Variants in NEGR1 observed in about 807,000 individuals in gnomAD.
NEGR1 encodes the protein IgLON family member 4.
In NEGR1, 10 loss-of-function variants were observed where a neutral mutation model predicts 40.9. The ratio of observed to expected loss-of-function variants is 0.24; its 90% CI spans 0.15 to 0.42. NEGR1 has a LOEUF of 0.42. NEGR1 is among the 10% of genes least tolerant of loss of function. The pLI is 1.00. For missense variants in NEGR1, 352 were observed against 438.9 expected (o/e 0.80, Z 1.77); for synonymous variants, 185 against 166.8 (o/e 1.11, Z -0.84).
intron 6 of NEGR1, among the ~76,000 whole-genome samples, chr1:71,487,244 T>C (rs767969813): frequency 3.3e-5 from 5 of 151,694 alleles, no homozygotes; most frequent in Non-Finnish European, 7.4e-5. Flanking sequence ...ACTAACACTT[T>C]GTCTAATGTC....
At chr1:71,623,555 A>C (rs897632500) in intron 4 of NEGR1, among the ~76,000 whole-genome samples, 1 of 151,842 alleles carries the variant, frequency 6.6e-6, no homozygotes, top group Non-Finnish European at 1.5e-5. Context: ...TTGAGAGGTA[A>C]TGTTTTTTCT....
chr1:71,499,074 C>T (rs1169800835), intron 6 of NEGR1, among the ~76,000 whole-genome samples: 2 of 152,140 alleles, frequency 1.3e-5, no homozygotes, highest in Non-Finnish European at 2.9e-5. Context: ...TTCATTTTCT[C>T]TCTTTTTAAA....
intron 1 of NEGR1, among the ~76,000 whole-genome samples, chr1:71,991,298 C>A (rs191139059): frequency 6.6e-6 from 1 of 152,200 alleles, no homozygotes; most frequent in Admixed American, 6.5e-5. Flanking sequence ...TAATAGATGT[C>A]ATATTTTTAA....
At chr1:72,257,727 G>C (rs889088263) in intron 1 of NEGR1, among the ~76,000 whole-genome samples, 10 of 152,030 alleles carry the variant, frequency 6.6e-5, no homozygotes, top group Non-Finnish European at 1.3e-4. Flanking sequence ...TATCTTCCCA[G>C]TCCTGAGAAA....
chr1:72,215,292 GA>G (rs1173297019), intron 1 of NEGR1, among the ~76,000 whole-genome samples: 1 of 152,012 alleles, frequency 6.6e-6, no homozygotes, highest in African/African-American at 2.4e-5. Flanking sequence ...TACCATTCAG[GA>G]CATAGGCACG....
intron 6 of NEGR1, among the ~76,000 whole-genome samples, chr1:71,480,350 T>C (rs1312991997): frequency 6.6e-6 from 1 of 151,834 alleles, no homozygotes; most frequent in African/African-American, 2.4e-5. Flanking sequence ...ATAAGGAAAA[T>C]TGCAAGTCCC....
intron 6 of NEGR1, among the ~76,000 whole-genome samples, chr1:71,481,367 C>T (rs183109636): frequency 2.6e-5 from 4 of 151,904 alleles, no homozygotes; most frequent in Admixed American, 6.6e-5. Flanking sequence ...TAACCATTCT[C>T]TTTACACAAT....
chr1:72,080,660 T>C (rs952423146), intron 1 of NEGR1, among the ~76,000 whole-genome samples: 9 of 152,134 alleles, frequency 5.9e-5, no homozygotes, highest in African/African-American at 2.2e-4. Flanking sequence ...CCTGGAGTTG[T>C]ATTCTGTTCT....
At chr1:71,594,745 C>T (rs371648810) in intron 5 of NEGR1, among the ~76,000 whole-genome samples, 45 of 152,322 alleles carry the variant, frequency 3.0e-4, no homozygotes, top group African/African-American at 1.0e-3. Context: ...ATCACATTAA[C>T]AACTTCGTTT....
intron 6 of NEGR1, among the ~76,000 whole-genome samples, chr1:71,431,602 T>C (rs929987872): frequency 1.4e-5 from 2 of 143,356 alleles, no homozygotes; most frequent in Admixed American, 7.2e-5. Context: ...AACAGATGTT[T>C]ATTAAATATA....
At chr1:71,527,449 A>G (rs531072095) in intron 6 of NEGR1, among the ~76,000 whole-genome samples, 1 of 146,978 alleles carries the variant, frequency 6.8e-6, no homozygotes, top group South Asian at 2.2e-4. Context: ...CCATCCATCC[A>G]TGGGTAATCA....
chr1:71,731,663 C>T (rs971969944), intron 3 of NEGR1, among the ~76,000 whole-genome samples: 1 of 152,056 alleles, frequency 6.6e-6, no homozygotes, highest in Admixed American at 6.6e-5. Flanking sequence ...GTAGAGCAGG[C>T]AAAACTGGAC....
In NEGR1 at chr1:71,873,151, T is replaced by C. The variant is rs560059924; in HGVS notation, c.409+61928A>G. Among the ~76,000 whole-genome samples, 28 of 140,170 alleles carry C rather than the reference T, an allele frequency of 2.0e-4. 1 individual carries two copies. Among genetic ancestry groups the C allele is most frequent in the Admixed American group, 1.7e-3 (24 of 13,928 alleles). 92.0% of individuals were successfully genotyped at this position (140,170 alleles called of 152,430 possible). A position where few individuals can be genotyped will look rare whatever the true frequency, so the allele number is the denominator to read the frequency against. On this transcript the variant is annotated intron_variant, in intron 2 of 6. Coordinates refer to ENST00000357731, the MANE Select transcript of NEGR1 (RefSeq NM_173808.3). ...AAAAAAAAAAAAAAGACAAATAGAG[T>C]ATTTTGAGGTTTTTGTTTGATTCTA...
chr1:71,476,322 C>T (rs778962542), intron 6 of NEGR1, among the ~76,000 whole-genome samples: 1 of 152,006 alleles, frequency 6.6e-6, no homozygotes, highest in Non-Finnish European at 1.5e-5. Flanking sequence ...TTTTTGACAA[C>T]AAAAATTAAA....
At chr1:71,642,975 TAAAG>T (rs1330053601) in intron 4 of NEGR1, among the ~76,000 whole-genome samples, 2 of 151,854 alleles carry the variant, frequency 1.3e-5, no homozygotes, top group Admixed American at 1.3e-4. Flanking sequence ...CAGAAGTGAA[TAAAG>T]AAAGTTCATA....
At chr1:71,778,231 A>G (rs1656579372) in intron 2 of NEGR1, among the ~76,000 whole-genome samples, 1 of 152,060 alleles carries the variant, frequency 6.6e-6, no homozygotes, top group Admixed American at 6.6e-5. Flanking sequence ...ACTGACTTAC[A>G]ATGGTTCAAT....
intron 1 of NEGR1, among the ~76,000 whole-genome samples, chr1:72,247,877 G>A (rs572897752): frequency 1.5e-4 from 23 of 152,236 alleles, no homozygotes; most frequent in Middle Eastern, 3.4e-3. Context: ...TCACAGTTCT[G>A]CAGGCTTTTT....
At chr1:71,875,889 G>C (rs910294677) in intron 2 of NEGR1, among the ~76,000 whole-genome samples, 2 of 152,120 alleles carry the variant, frequency 1.3e-5, no homozygotes, top group African/African-American at 4.8e-5. Flanking sequence ...GGAAAGGCTC[G>C]ATGAAGATAG....
chr1:72,112,953 A>G (rs956504947), intron 1 of NEGR1, among the ~76,000 whole-genome samples: 1 of 151,282 alleles, frequency 6.6e-6, no homozygotes, highest in Non-Finnish European at 1.5e-5. Flanking sequence ...CACCACCTCC[A>G]TGTTCACCTG....
Sources: gnomAD v4.1 joint callset for allele counts (sites outside exome capture counted in the v4.1 genomes callset) on GRCh38, gnomAD v4.1.1 for gene constraint, MANE v1.5 for transcripts, NCBI Gene and HGNC (gene_info 2026-07-23, HGNC 2026-07-21) for gene names.